CDC14A: variants seen among roughly 807,000 people sequenced by gnomAD.
CDC14A encodes the protein dual specificity protein phosphatase CDC14A.
CDC14A carries 53 observed loss-of-function variants against 74.4 expected under a neutral mutation model. The ratio of observed to expected loss-of-function variants is 0.71; its 90% CI spans 0.57 to 0.89. The LOEUF is 0.89. Ranked by LOEUF, CDC14A falls within the 40% of genes least tolerant of loss-of-function variation. The pLI is 0.00. For synonymous variants in CDC14A, 247 were observed against 258.4 expected, an observed-to-expected ratio of 0.96 and a Z score of 0.43; for missense variants, 646 against 713.7, an observed-to-expected ratio of 0.91 and a Z score of 1.08.
intron 10 of CDC14A, among the ~76,000 whole-genome samples, chr1:100,474,763 C>G (rs1668727767): frequency 6.6e-6 from 1 of 151,288 alleles, no homozygotes; most frequent in African/African-American, 2.4e-5. Context: ...AGAATCAGCT[C>G]TTTGTTTCAT....
intron 2 of CDC14A, among the ~76,000 whole-genome samples, chr1:100,370,172 G>A (rs1276490603): frequency 6.6e-6 from 1 of 151,994 alleles, no homozygotes; most frequent in Non-Finnish European, 1.5e-5. Flanking sequence ...TTTAGGAGAT[G>A]GGGTTTTGCT....
At chr1:100,448,644 C>T (rs879597104) in intron 7 of CDC14A, among the ~76,000 whole-genome samples, 1 of 152,242 alleles carries the variant, frequency 6.6e-6, no homozygotes, top group Non-Finnish European at 1.5e-5. Context: ...CCATTCTGGT[C>T]ACACTGGCTA....
At chr1:100,396,905 C>T (rs1216429651) in intron 4 of CDC14A, among the ~76,000 whole-genome samples, 4 of 152,062 alleles carry the variant, frequency 2.6e-5, no homozygotes, top group African/African-American at 9.7e-5. Context: ...ACTTTTTATG[C>T]TTTCTCTCAT....
At chr1:100,453,806 A>AT (rs888289884) in intron 7 of CDC14A, among the ~76,000 whole-genome samples, 3 of 151,952 alleles carry the variant, frequency 2.0e-5, no homozygotes, top group African/African-American at 7.2e-5. Context: ...CACCTGGTTA[A>AT]TTTTTTTGTA....
At chr1:100,494,151 G>A (rs560927166) in intron 11 of CDC14A, among the ~76,000 whole-genome samples, 1 of 152,174 alleles carries the variant, frequency 6.6e-6, no homozygotes, top group Non-Finnish European at 1.5e-5. Flanking sequence ...TAACTTCCAT[G>A]AGTATGTCCT....
chr1:100,438,979 G>C (rs1208410357), intron 5 of CDC14A, among the ~76,000 whole-genome samples: 1 of 152,190 alleles, frequency 6.6e-6, no homozygotes, highest in Non-Finnish European at 1.5e-5. Context: ...AGAGAGCCTG[G>C]AGCCTTGAGG....
At chr1:100,472,872 A>G (rs1430147134) in intron 10 of CDC14A, among the ~76,000 whole-genome samples, 1 of 151,778 alleles carries the variant, frequency 6.6e-6, no homozygotes, top group Non-Finnish European at 1.5e-5. Context: ...AATCATTTGG[A>G]TATATTTGTG....
At position 100,508,409 on chromosome 1, in the gene CDC14A, G is replaced by A. The variant is rs1026948846; in HGVS notation, c.1755+9147G>A. On this transcript the variant is annotated intron_variant, in intron 15 of 15. Coordinates refer to ENST00000336454, the MANE Select transcript of CDC14A (RefSeq NM_003672.4). The surrounding 1 kb of genome is among the most constrained non-coding windows in gnomAD (Gnocchi z 4.4). ...AGTTTGCCTTGTGGTTGCATACTTC[G>A]TCAGTTCTCATAATGTTCATTTGCC... 1.8e-4 allele frequency among the ~76,000 whole-genome samples: 28 copies of A among 151,984 alleles called. No individual in the cohort carries two copies. Among genetic ancestry groups the A allele is most frequent in the African/African-American group, 6.3e-4 (26 of 41,368 alleles).
At position 100,449,085 on chromosome 1, in the gene CDC14A, C is replaced by T. The variant is rs17122533; in HGVS notation, c.519+6089C>T. Among the ~76,000 whole-genome samples, 889 of 152,326 alleles carry T rather than the reference C, an allele frequency of 5.8e-3. 16 individuals carry two copies. Among genetic ancestry groups the T allele is most frequent in the African/African-American group, 0.021 (862 of 41,570 alleles). ...GTTCCTGAGATATTCAAGCAATTCA[C>T]AGGTTATCATTATTGCTATCTTCAC... On this transcript the variant is annotated intron_variant, in intron 7 of 15. Coordinates refer to ENST00000336454, the MANE Select transcript of CDC14A (RefSeq NM_003672.4).
intron 5 of CDC14A, among the ~76,000 whole-genome samples, chr1:100,438,510 T>C (rs1462593240): frequency 6.6e-6 from 1 of 152,220 alleles, no homozygotes; most frequent in Non-Finnish European, 1.5e-5. Context: ...TAAAATTTGC[T>C]TTCTAACATA....
chr1:100,488,264 A>G (rs985362004), intron 11 of CDC14A, among the ~76,000 whole-genome samples: 1 of 152,194 alleles, frequency 6.6e-6, no homozygotes, highest in Non-Finnish European at 1.5e-5. Flanking sequence ...AATGAACTCT[A>G]TTAATCCTTA....
chr1:100,439,745 A>G (rs911250998), intron 5 of CDC14A, among the ~76,000 whole-genome samples, 187 bp from the exon 6 acceptor site: 2 of 152,222 alleles, frequency 1.3e-5, no homozygotes, highest in African/African-American at 4.8e-5. Context: ...CTTGGATTAA[A>G]GCAATTTCAG....
intron 15 of CDC14A, among the ~76,000 whole-genome samples, chr1:100,509,611 CACACAT>C (rs1023833854): frequency 6.6e-6 from 1 of 152,232 alleles, no homozygotes; most frequent in African/African-American, 2.4e-5. Context: ...TCCTCTTACA[CACACAT>C]ACACATACAT....
chr1:100,376,163 G>A (rs12015133), intron 2 of CDC14A, among the ~76,000 whole-genome samples: 3 of 152,122 alleles, frequency 2.0e-5, no homozygotes, highest in African/African-American at 7.2e-5. Context: ...GGGGTGGGGG[G>A]ATGGGGGAGG....
At chr1:100,510,323 A>G (rs996950720) in intron 15 of CDC14A, among the ~76,000 whole-genome samples, 1 of 152,242 alleles carries the variant, frequency 6.6e-6, no homozygotes, top group Non-Finnish European at 1.5e-5. Flanking sequence ...CAGATGGGGA[A>G]ATCAAGACTC....
In CDC14A at chr1:100,519,708, C is replaced by T. The variant is rs184443737; in HGVS notation, c.*1428C>T. 545 of 152,378 alleles carry T rather than the reference C, an allele frequency of 3.6e-3. 4 individuals are homozygous for T. The highest frequency in any genetic ancestry group is 0.014 in the Middle Eastern group (4 of 294). 9.4% of individuals were successfully genotyped at this position (152,378 alleles called of 1,614,324 possible). A position where few individuals can be genotyped will look rare whatever the true frequency, so the allele number is the denominator to read the frequency against. ...TTGTTAAATTAACCTTCAGTAACTG[C>T]AGTACCAAAAATTACACTCAACTGA... On this transcript the variant is annotated 3_prime_UTR_variant, in exon 16 of 16. Transcript: ENST00000336454.
upstream of CDC14A, chr1:100,351,713 T>G: frequency 6.5e-7 from 1 of 1,542,466 alleles, no homozygotes; most frequent in Non-Finnish European, 8.8e-7. Flanking sequence ...GTGATGCTTT[T>G]GCGCTCACAT....
intron 10 of CDC14A, among the ~76,000 whole-genome samples, chr1:100,473,477 C>T (rs1432973184): frequency 6.6e-6 from 1 of 152,098 alleles, no homozygotes; most frequent in Non-Finnish European, 1.5e-5. Context: ...GCCTCTGCCT[C>T]CTGGGTTCAA....
At chr1:100,355,175 CA>C (rs1482682111) in intron 2 of CDC14A, among the ~76,000 whole-genome samples, 2 of 152,156 alleles carry the variant, frequency 1.3e-5, no homozygotes, top group Admixed American at 6.5e-5. Flanking sequence ...ATGTCACTGC[CA>C]GCAGTGTTTA....
Sources: gnomAD v4.1 joint callset for allele counts (sites outside exome capture counted in the v4.1 genomes callset) on GRCh38, gnomAD v4.1.1 for gene constraint, Gnocchi (gnomAD v3.1) non-coding constraint, MANE v1.5 for transcripts, NCBI Gene and HGNC (gene_info 2026-07-23, HGNC 2026-07-21) for gene names.